The following JAKMIP2 variants were observed in gnomAD, a reference collection of about 807,000 sequenced individuals.
The protein encoded by JAKMIP2 is janus kinase and microtubule interacting protein 2, also known as janus kinase and microtubule-interacting protein 2.
In JAKMIP2, 25 loss-of-function variants were observed where a neutral mutation model predicts 115.0. The observed-to-expected ratio is 0.22, with a 90% confidence interval of 0.16 to 0.30. The LOEUF is 0.30. JAKMIP2 is among the 10% of genes least tolerant of loss of function. The pLI, the probability that JAKMIP2 is intolerant of heterozygous loss-of-function variation, is 1.00. For missense variants in JAKMIP2, 642 were observed against 957.6 expected (o/e 0.67, Z 4.35); for synonymous variants, 334 against 343.6 (o/e 0.97, Z 0.31).
chr5:147,703,666 A>G (rs985367069), intron 1 of JAKMIP2, among the ~76,000 whole-genome samples: 1 of 151,446 alleles, frequency 6.6e-6, no homozygotes, highest in Non-Finnish European at 1.5e-5. Flanking sequence ...AACTCAAACA[A>G]TCCTCCTACC....
chr5:147,640,900 G>T, intron 8 of JAKMIP2, 77 bp from the exon 9 acceptor site: 3 of 1,317,024 alleles, frequency 2.3e-6, no homozygotes, highest in Non-Finnish European at 3.2e-6. Flanking sequence ...CTGTCAACTG[G>T]CATACGTGTA....
At chr5:147,678,875 A>C (rs1275957927) in intron 1 of JAKMIP2, among the ~76,000 whole-genome samples, 1 of 152,192 alleles carries the variant, frequency 6.6e-6, no homozygotes, top group East Asian at 1.9e-4. Context: ...TCATGCTATC[A>C]ATCTTAGGTT....
chr5:147,615,161 C>T (rs1246996339), intron 19 of JAKMIP2, among the ~76,000 whole-genome samples: 1 of 152,180 alleles, frequency 6.6e-6, no homozygotes, highest in Non-Finnish European at 1.5e-5. Context: ...ACTCCCAGCA[C>T]CTGGTACACA....
intron 1 of JAKMIP2, among the ~76,000 whole-genome samples, chr5:147,690,757 T>G (rs998602609): frequency 6.6e-6 from 1 of 152,078 alleles, no homozygotes; most frequent in African/African-American, 2.4e-5. Context: ...GGTGAGTGTG[T>G]AGCTCCTTCT....
intron 3 of JAKMIP2, among the ~76,000 whole-genome samples, chr5:147,656,260 ATTGATCTG>A (rs951868079): frequency 4.6e-5 from 7 of 152,312 alleles, no homozygotes; most frequent in Non-Finnish European, 1.0e-4. Context: ...TTTCTATCAC[ATTGATCTG>A]TCTAATGTTG....
rs192803475 is a variant in JAKMIP2 at position 147,587,450 on chromosome 5, G to C, written c.*4257C>G. 340 of 151,918 alleles carry C rather than the reference G, an allele frequency of 2.2e-3. 3 individuals carry two copies. The highest frequency in any genetic ancestry group is 8.1e-3 in the African/African-American group (334 of 41,438). The allele number at this position is 151,918 out of a possible 1,614,324, so 9.4% of individuals were successfully genotyped here. A position where few individuals can be genotyped will look rare whatever the true frequency, so the allele number is the denominator to read the frequency against. The stretch of plus-strand genomic sequence containing the variant: ...TGTGTGTGTGTGTGTGTTTGTGTGT[G>C]TATTCTGTGCCACTCTTTGACAGAT... On this transcript the variant is annotated 3_prime_UTR_variant, in exon 22 of 22. Coordinates refer to ENST00000616793, the MANE Select transcript of JAKMIP2 (RefSeq NM_001270941.2).
At chr5:147,676,870 T>C (rs564366328) in intron 1 of JAKMIP2, among the ~76,000 whole-genome samples, 10 of 152,224 alleles carry the variant, frequency 6.6e-5, no homozygotes, top group Non-Finnish European at 1.3e-4. Flanking sequence ...GAAGGAAATA[T>C]AGTGTAGTAT....
chr5:147,612,121 T>G (rs748889732), intron 20 of JAKMIP2, 185 bp downstream of exon 20: 1 of 733,170 alleles, frequency 1.4e-6, no homozygotes, highest in African/African-American at 1.7e-5. Context: ...AAGGCTGGGT[T>G]ACTGATGGCA....
intron 1 of JAKMIP2, among the ~76,000 whole-genome samples, chr5:147,779,167 T>A (rs1755668213): frequency 6.6e-6 from 1 of 152,160 alleles, no homozygotes; most frequent in South Asian, 2.1e-4. Flanking sequence ...GAAGCGGACT[T>A]GTAGCAGGCA....
At chr5:147,595,111 T>G (rs185636217) in intron 21 of JAKMIP2, among the ~76,000 whole-genome samples, 3 of 152,348 alleles carry the variant, frequency 2.0e-5, no homozygotes, top group Admixed American at 6.5e-5. Flanking sequence ...CCTTTCTATG[T>G]GCCAACTACT....
intron 15 of JAKMIP2, 61 bp downstream of exon 15, chr5:147,629,632 A>T: frequency 8.5e-7 from 1 of 1,169,608 alleles, no homozygotes; most frequent in Non-Finnish European, 1.3e-6. Context: ...ATGCATTGTT[A>T]AGTATCTCTT....
chr5:147,677,608 A>G (rs1051974672), intron 1 of JAKMIP2, among the ~76,000 whole-genome samples: 1 of 152,210 alleles, frequency 6.6e-6, no homozygotes, highest in South Asian at 2.1e-4. Context: ...CTCCCAATAT[A>G]GTCCTTTTAC....
Position 147,631,171 on chromosome 5 carries a change from ACT to A in JAKMIP2, c.1875+240_1875+241del, listed in dbSNP as rs1757331381. Among the ~76,000 whole-genome samples the A allele has an allele frequency of 2.6e-5, 4 of 151,972 alleles. No homozygotes were observed. In the South Asian group the frequency reaches 8.3e-4, roughly 32 times the overall value. On this transcript the variant is annotated intron_variant, in intron 14 of 21. Transcript: ENST00000616793. The stretch of plus-strand genomic sequence containing the variant: ...TTGATGCAGCGTCTTTCTTCATATG[ACT>A]CTGTTCTAAATAATCATGGATGCCT...
At position 147,589,781 on chromosome 5, in the gene JAKMIP2, C is replaced by A. The variant is rs1008223148; in HGVS notation, c.*1926G>T. The stretch of plus-strand genomic sequence containing the variant: ...TCAATTTTTATTGCTAATAATGTCC[C>A]AAGTAGCTTGATAAGCAAGCTTCAG... On this transcript the variant is annotated 3_prime_UTR_variant, in exon 22 of 22. Coordinates refer to ENST00000616793, the MANE Select transcript of JAKMIP2 (RefSeq NM_001270941.2). 8 of 152,136 alleles carry A rather than the reference C, an allele frequency of 5.3e-5. No homozygotes were observed. Among genetic ancestry groups the A allele is most frequent in the Middle Eastern group, 3.2e-3 (1 of 316 alleles). 9.4% of individuals were successfully genotyped at this position (152,136 alleles called of 1,614,324 possible). A position where few individuals can be genotyped will look rare whatever the true frequency, so the allele number is the denominator to read the frequency against.
intron 1 of JAKMIP2, among the ~76,000 whole-genome samples, chr5:147,711,701 C>T (rs1055559178): frequency 2.6e-5 from 4 of 152,182 alleles, no homozygotes; most frequent in South Asian, 2.1e-4. Flanking sequence ...GAATCTCGCT[C>T]TTGTTGCCCC....
chr5:147,638,309 T>G (rs935987289), intron 10 of JAKMIP2, among the ~76,000 whole-genome samples: 1 of 152,150 alleles, frequency 6.6e-6, no homozygotes, highest in Non-Finnish European at 1.5e-5. Flanking sequence ...GTAGAAGAAT[T>G]AAATGACACA....
rs202188237 is a variant in JAKMIP2, at chr5:147,612,297, G to C, written c.2412+9C>G. The C allele has an allele frequency of 2.7e-5, 40 of 1,488,944 alleles. No homozygotes were observed. The African/African-American group carries it at 4.7e-4, about 17-fold the overall frequency. The allele number at this position is 1,488,944 out of a possible 1,614,324, so 92.2% of individuals were successfully genotyped here. On this transcript the variant is annotated intron_variant, in intron 20 of 21. Coordinates refer to ENST00000616793, the MANE Select transcript of JAKMIP2 (RefSeq NM_001270941.2). ...AAATAATAAGATAGTTATTGAATTT[G>C]ACACCTACCTTTTCTTCTAAGTCTT... is the stretch of plus-strand genomic sequence containing the variant.
intron 3 of JAKMIP2, among the ~76,000 whole-genome samples, chr5:147,651,051 C>T (rs1219914258): frequency 6.6e-6 from 1 of 152,060 alleles, no homozygotes; most frequent in Non-Finnish European, 1.5e-5. Flanking sequence ...TTTTCCAAGA[C>T]TAACATGCTT....
chr5:147,696,057 A>G (rs907931525), intron 1 of JAKMIP2, among the ~76,000 whole-genome samples: 12 of 152,186 alleles, frequency 7.9e-5, no homozygotes, highest in African/African-American at 2.7e-4. Context: ...CCTTATCTCA[A>G]TAAAGGTTAG....
Sources: gnomAD v4.1 joint callset for allele counts (sites outside exome capture counted in the v4.1 genomes callset) on GRCh38, gnomAD v4.1.1 for gene constraint, MANE v1.5 for transcripts, NCBI Gene and HGNC (gene_info 2026-07-23, HGNC 2026-07-21) for gene names.